MRRF: variants seen among roughly 807,000 people sequenced by gnomAD.
MRRF encodes the protein ribosome-recycling factor, mitochondrial.
MRRF carries 18 observed loss-of-function variants against 25.1 expected under a neutral mutation model. The ratio of observed to expected loss-of-function variants is 0.72; its 90% CI spans 0.50 to 1.06. The LOEUF (loss-of-function observed/expected upper bound fraction) is 1.06, where lower values mean the gene tolerates loss of function less well. MRRF is among the 50% of genes least tolerant of loss of function. The pLI, the probability that MRRF is intolerant of heterozygous loss-of-function variation, is 0.00. For missense variants in MRRF, 323 were observed against 319.3 expected (o/e 1.01, Z -0.09); for synonymous variants, 113 against 112.1 (o/e 1.01, Z -0.05).
chr9:122,265,506 C>A, intron 1 of MRRF: 1 of 344,626 alleles, frequency 2.9e-6, no homozygotes, highest in Non-Finnish European at 5.7e-6. Context: ...AGGTCACGTG[C>A]CTAGGAAGTG....
intron 2 of MRRF, among the ~76,000 whole-genome samples, chr9:122,274,966 T>C (rs1389168936): frequency 1.3e-5 from 2 of 152,168 alleles, no homozygotes; most frequent in African/African-American, 4.8e-5. Flanking sequence ...AGTTCATTAA[T>C]TTTTGGTCTT....
chr9:122,269,179 A>T (rs1480706489), intron 1 of MRRF, among the ~76,000 whole-genome samples: 2 of 150,324 alleles, frequency 1.3e-5, no homozygotes, highest in Non-Finnish European at 3.0e-5. Context: ...AAAAAAAAAA[A>T]TAATAATAAT....
chr9:122,280,560 A>G lies in MRRF; in HGVS notation c.302A>G (p.Asp101Gly). The G allele has an allele frequency of 1.2e-6, 2 of 1,614,078 alleles. No individual in the cohort carries two copies. Among genetic ancestry groups the G allele is most frequent in the Non-Finnish European group, 1.7e-6 (2 of 1,179,924 alleles). The change falls in exon 3 of 7, where the codon GAT becomes GGT. Residue 101 changes from aspartate (D) to glycine (G), a missense_variant. Asp to Gly is a moderately conservative substitution (Grantham distance 94, BLOSUM62 -1). Transcript: ENST00000344641. ...AAGTCTGTGATAGAAGCTCTCAAGG[A>G]TAATTTCAATAAGACTCTCAATATA... ...EMKSVIEALK[D>G]NFNKTLNIRT...
At chr9:122,313,410 G>A in intron 6 of MRRF, 24 bp downstream of exon 6, 1 of 1,611,844 alleles carries the variant, frequency 6.2e-7, no homozygotes, top group African/African-American at 1.3e-5. Context: ...CAATGTAGTA[G>A]TGTCTGTGTA....
At chr9:122,306,351 T>G (rs575072825) in intron 5 of MRRF, among the ~76,000 whole-genome samples, 1 of 152,316 alleles carries the variant, frequency 6.6e-6, no homozygotes, top group African/African-American at 2.4e-5. Context: ...TTTATTAGCT[T>G]GTTTAATCCT....
intron 6 of MRRF, among the ~76,000 whole-genome samples, chr9:122,318,289 G>A (rs530108388): frequency 4.6e-5 from 7 of 150,670 alleles, no homozygotes; most frequent in Non-Finnish European, 8.8e-5. Flanking sequence ...AGGTCTTCCC[G>A]CTCAGGACTC....
chr9:122,285,775 T>TA (rs1379884760), intron 4 of MRRF: 4 of 1,265,980 alleles, frequency 3.2e-6, no homozygotes, highest in South Asian at 1.3e-5. Flanking sequence ...GTTTTTTTTT[T>TA]AAAGACTATG....
At chr9:122,287,372 A>G (rs1833480644) in intron 4 of MRRF, among the ~76,000 whole-genome samples, 1 of 152,198 alleles carries the variant, frequency 6.6e-6, no homozygotes, top group African/African-American at 2.4e-5. Flanking sequence ...GGAGGCACTC[A>G]TTTCTGATGT....
At chr9:122,280,371 ACTT>A in intron 2 of MRRF, 69 bp from the exon 3 acceptor site, 2 of 1,500,936 alleles carry the variant, frequency 1.3e-6, no homozygotes, top group Non-Finnish European at 1.9e-6. Flanking sequence ...CATAGTAGGT[ACTT>A]CTTCACCAAT....
chr9:122,317,321 C>T (rs1249964382), intron 6 of MRRF, among the ~76,000 whole-genome samples: 1 of 152,024 alleles, frequency 6.6e-6, no homozygotes, highest in Non-Finnish European at 1.5e-5. Context: ...TCACACTCTA[C>T]AGAAAAGATT....
At chr9:122,311,234 T>G (rs1281414000) in intron 5 of MRRF, among the ~76,000 whole-genome samples, 2 of 152,200 alleles carry the variant, frequency 1.3e-5, no homozygotes, top group Non-Finnish European at 2.9e-5. Flanking sequence ...CCTAACTGCT[T>G]CTGATCTTGT....
intron 6 of MRRF, among the ~76,000 whole-genome samples, chr9:122,316,821 T>TAA (rs71508157): frequency 1.5e-4 from 21 of 138,104 alleles, no homozygotes; most frequent in Non-Finnish European, 1.7e-4. Context: ...TCCTTTTTTC[T>TAA]AAAAAAAAAA....
chr9:122,266,517 A>G (rs1423839663), intron 1 of MRRF, among the ~76,000 whole-genome samples: 2 of 152,228 alleles, frequency 1.3e-5, no homozygotes, highest in African/African-American at 4.8e-5. Flanking sequence ...CTTATTTTGC[A>G]AAATACGGGT....
intron 4 of MRRF, among the ~76,000 whole-genome samples, chr9:122,290,811 C>T (rs1028573923): frequency 6.6e-6 from 1 of 152,068 alleles, no homozygotes; most frequent in Non-Finnish European, 1.5e-5. Context: ...TGAGGTGAGG[C>T]ACTTTGGGAA....
At chr9:122,267,072 A>AC (rs900035037) in intron 1 of MRRF, among the ~76,000 whole-genome samples, 9 of 149,612 alleles carry the variant, frequency 6.0e-5, no homozygotes, top group Admixed American at 2.0e-4. Flanking sequence ...TCCGTCTCAA[A>AC]AAAAAAAAAA....
At chr9:122,275,461 C>T (rs1416315464) in intron 2 of MRRF, among the ~76,000 whole-genome samples, 1 of 152,004 alleles carries the variant, frequency 6.6e-6, no homozygotes, top group African/African-American at 2.4e-5. Flanking sequence ...GGTGAAACCT[C>T]TTCTCTACAA....
intron 4 of MRRF, among the ~76,000 whole-genome samples, chr9:122,290,075 A>G (rs1833668295): frequency 6.6e-6 from 1 of 152,140 alleles, no homozygotes; most frequent in Non-Finnish European, 1.5e-5. Flanking sequence ...AGAAAAAAGA[A>G]AAAGAAAAGA....
intron 2 of MRRF, among the ~76,000 whole-genome samples, chr9:122,274,153 T>C (rs1182629452): frequency 6.6e-6 from 1 of 152,184 alleles, no homozygotes; most frequent in East Asian, 1.9e-4. Context: ...GGCATCTTTG[T>C]TTTAGTCCTG....
At chr9:122,306,281 A>G (rs1834840920) in intron 5 of MRRF, among the ~76,000 whole-genome samples, 1 of 152,240 alleles carries the variant, frequency 6.6e-6, no homozygotes, top group Non-Finnish European at 1.5e-5. Flanking sequence ...ATCCCCCTGC[A>G]CTTGACAGTT....
Sources: gnomAD v4.1 joint callset for allele counts (sites outside exome capture counted in the v4.1 genomes callset) on GRCh38, gnomAD v4.1.1 for gene constraint, MANE v1.5 for transcripts, NCBI Gene and HGNC (gene_info 2026-07-23, HGNC 2026-07-21) for gene names.